Variants in ALK observed in about 807,000 individuals in gnomAD.
ALK encodes the protein ALK tyrosine kinase receptor.
In ALK, 74 loss-of-function variants were observed where a neutral mutation model predicts 163.1. The observed-to-expected ratio is 0.45, with a 90% CI of 0.38 to 0.55. ALK has a LOEUF of 0.55. Ranked by LOEUF, ALK falls within the 20% of genes least tolerant of loss-of-function variation. The pLI is 0.00. For synonymous variants in ALK, 960 were observed against 843.2 expected (o/e 1.14, Z -2.40); for missense variants, 2,063 against 2,105.3 (o/e 0.98, Z 0.39).
Position 29,793,016 on chromosome 2 carries a change from C to T in ALK, c.668-75319G>A, listed in dbSNP as rs1159005645. Among the ~76,000 whole-genome samples the T allele has an allele frequency of 1.1e-4, 7 of 61,696 alleles. No homozygotes were observed. The East Asian group carries it at 4.3e-3, about 38-fold the overall frequency. 40.5% of individuals were successfully genotyped at this position (61,696 alleles called of 152,430 possible). On this transcript the variant is annotated intron_variant, in intron 1 of 28. Transcript: ENST00000389048. Reference sequence around the variant, plus strand: ...AAAGATTTCTCTGTAGCATATGATGCTGTTTGATAGCATTTTGCCCACAGT... The same window carrying T: ...AAAGATTTCTCTGTAGCATATGATGTTGTTTGATAGCATTTTGCCCACAGT...
At chr2:29,761,185 G>A (rs917840604) in intron 1 of ALK, among the ~76,000 whole-genome samples, 4 of 152,096 alleles carry the variant, frequency 2.6e-5, no homozygotes, top group African/African-American at 9.7e-5. Context: ...GTAGACAGGG[G>A]GCTTTGTTGC....
intron 3 of ALK, among the ~76,000 whole-genome samples, chr2:29,568,207 T>C (rs1558387984): frequency 6.6e-6 from 1 of 152,226 alleles, no homozygotes; most frequent in South Asian, 2.1e-4. Context: ...TGCGGAGCAC[T>C]GAACTGAAAA....
rs554305738 is a variant in ALK, at chr2:29,818,510, C to T, written c.668-100813G>A. Among the ~76,000 whole-genome samples the T allele has an allele frequency of 3.3e-5, 5 of 152,370 alleles. No individual in the cohort carries two copies. The East Asian group carries it at 7.7e-4, about 23-fold the overall frequency. ...TACCCAACACGCTGGCTGGGAACAG[C>T]GCGCAGGTTTTCCACGCTGGCCCAG... On this transcript the variant is annotated intron_variant, in intron 1 of 28. Coordinates refer to ENST00000389048, the MANE Select transcript of ALK (RefSeq NM_004304.5).
rs532517034 is a variant in ALK at position 29,225,654 on chromosome 2, A to G, written c.3068-89T>C. 53 of 1,071,966 alleles carry G rather than the reference A, an allele frequency of 4.9e-5. No individual in the cohort carries two copies. The African/African-American group carries it at 7.3e-4, about 15-fold the overall frequency. 66.4% of individuals were successfully genotyped at this position (1,071,966 alleles called of 1,614,324 possible). On this transcript the variant is annotated intron_variant, in intron 18 of 28. Coordinates refer to ENST00000389048, the MANE Select transcript of ALK (RefSeq NM_004304.5). ...GTCAGAAATAACCTCCCCCACTGAGACAAAAACTACTTGCTCCTTCCCATC... is the reference window on the plus strand; with the variant it reads ...GTCAGAAATAACCTCCCCCACTGAGGCAAAAACTACTTGCTCCTTCCCATC...
chr2:29,887,130 T>C lies in ALK; in HGVS notation c.667+32863A>G, dbSNP rs546140969. Reference sequence around the variant, plus strand: ...TAGTGGTTTAAAGCAACAACCATTGTATTATATCTCATAAATGCCATAGTT... The same window carrying C: ...TAGTGGTTTAAAGCAACAACCATTGCATTATATCTCATAAATGCCATAGTT... On this transcript the variant is annotated intron_variant, in intron 1 of 28. Coordinates refer to ENST00000389048, the MANE Select transcript of ALK (RefSeq NM_004304.5). Among the ~76,000 whole-genome samples, 294 of 152,330 alleles carry C rather than the reference T, an allele frequency of 1.9e-3. 2 individuals are homozygous for C. Among genetic ancestry groups the C allele is most frequent in the African/African-American group, 6.7e-3 (280 of 41,578 alleles).
At chr2:29,274,722 G>T (rs1399277488) in intron 11 of ALK, among the ~76,000 whole-genome samples, 1 of 152,188 alleles carries the variant, frequency 6.6e-6, no homozygotes. Flanking sequence ...GATAACCTTG[G>T]CCAGGCCCAG....
intron 3 of ALK, among the ~76,000 whole-genome samples, chr2:29,608,713 CAAG>C (rs1484928562): frequency 2.0e-5 from 3 of 152,062 alleles, no homozygotes; most frequent in Admixed American, 6.6e-5. Flanking sequence ...CAGTTGTGAC[CAAG>C]AAGATGTTTG....
chr2:29,909,254 G>A (rs72798439), intron 1 of ALK, among the ~76,000 whole-genome samples: 4,429 of 152,328 alleles, frequency 0.029, 151 homozygotes, highest in East Asian at 0.16. Flanking sequence ...CCTTGAAAGA[G>A]TGAGAATGTA....
intron 1 of ALK, among the ~76,000 whole-genome samples, chr2:29,767,075 T>C (rs1283769088): frequency 6.6e-6 from 1 of 152,158 alleles, no homozygotes; most frequent in African/African-American, 2.4e-5. Flanking sequence ...TACTACAAAA[T>C]AGGAACCACA....
chr2:29,884,522 C>A (rs572781009), intron 1 of ALK, among the ~76,000 whole-genome samples: 1 of 151,908 alleles, frequency 6.6e-6, no homozygotes, highest in Admixed American at 6.6e-5. Context: ...AAACCTTGCA[C>A]TTTGGGGTAA....
At chr2:29,465,848 C>T (rs1293376146) in intron 4 of ALK, among the ~76,000 whole-genome samples, 1 of 151,830 alleles carries the variant, frequency 6.6e-6, no homozygotes, top group Non-Finnish European at 1.5e-5. Context: ...ACTTTTAATC[C>T]CTTTAAAAGA....
chr2:29,326,920 C>T (rs1046276111), intron 6 of ALK, among the ~76,000 whole-genome samples: 9 of 152,168 alleles, frequency 5.9e-5, no homozygotes, highest in African/African-American at 1.9e-4. Flanking sequence ...GGTCTGGGCC[C>T]CACCCCAGGC....
intron 3 of ALK, among the ~76,000 whole-genome samples, chr2:29,579,291 C>T (rs1485690756): frequency 6.6e-6 from 1 of 152,324 alleles, no homozygotes; most frequent in African/African-American, 2.4e-5. Flanking sequence ...GCGTTCCAGG[C>T]TCTTTCTGAT....
At chr2:29,369,021 CAGAAG>C (rs1668577860) in intron 5 of ALK, among the ~76,000 whole-genome samples, 13 of 152,204 alleles carry the variant, frequency 8.5e-5, no homozygotes, top group Admixed American at 8.5e-4. Context: ...TTGCTGACCC[CAGAAG>C]AGAAAAGACT....
intron 3 of ALK, among the ~76,000 whole-genome samples, chr2:29,583,000 C>A (rs889787468): frequency 6.6e-6 from 1 of 151,170 alleles, no homozygotes; most frequent in African/African-American, 2.4e-5. Context: ...GTAGCTGGGA[C>A]TACAGGCATG....
At chr2:29,362,443 A>G (rs1668408451) in intron 5 of ALK, among the ~76,000 whole-genome samples, 1 of 152,218 alleles carries the variant, frequency 6.6e-6, no homozygotes, top group African/African-American at 2.4e-5. Flanking sequence ...GCAGAGGGTT[A>G]AATGTGTGAC....
chr2:29,913,293 T>C (rs1238397015), intron 1 of ALK, among the ~76,000 whole-genome samples: 2 of 152,010 alleles, frequency 1.3e-5, no homozygotes, highest in East Asian at 1.9e-4. Flanking sequence ...AGCTGAAAAA[T>C]TCATCACAAA....
chr2:29,886,737 G>C (rs928507105), intron 1 of ALK, among the ~76,000 whole-genome samples: 2 of 152,226 alleles, frequency 1.3e-5, no homozygotes, highest in Non-Finnish European at 2.9e-5. Context: ...TTTGGCCTCA[G>C]TTCCATCATT....
In ALK at chr2:29,193,754, G is replaced by C. The variant is rs1244374044; in HGVS notation, c.4333C>G (p.Pro1445Ala). 5.6e-6 allele frequency: 9 copies of C among 1,598,140 alleles called. No individual in the cohort carries two copies. The South Asian group carries it at 1.0e-4, about 18-fold the overall frequency. Residue 1445 changes from proline (P) to alanine (A), a missense_variant, in exon 29 of 29, where the codon CCT (proline) becomes GCT (alanine). By Grantham distance (27) the Pro-to-Ala change is conservative (BLOSUM62 -1). Around this residue, in one of 5 missense-constraint regions of ALK, gnomAD observed 403 missense variants for 366.2 expected, o/e 1.10. Transcript: ENST00000389048. The part of the protein sequence containing the change: ...ERSPAAPPPL[P>A]TTSSGKAAKK... ...GCAGCCTTGCCAGAGGAGGTGGTAG[G>C]CAGAGGTGGTGGGGCAGCTGGGCTG...
Sources: allele counts gnomAD v4.1 joint callset (sites outside exome capture counted in the v4.1 genomes callset), GRCh38; gene constraint gnomAD v4.1.1; regional missense constraint gnomAD v4.1.1; transcripts MANE v1.5; gene names NCBI Gene and HGNC (gene_info 2026-07-23, HGNC 2026-07-21).